ESYT2: variants seen among roughly 807,000 people sequenced by gnomAD.
ESYT2 encodes the protein extended synaptotagmin 2.
In ESYT2, 54 loss-of-function variants were observed where a neutral mutation model predicts 107.2. The ratio of observed to expected loss-of-function variants is 0.50; its 90% CI spans 0.40 to 0.63. ESYT2 has a LOEUF of 0.63. ESYT2 is among the 30% of genes least tolerant of loss of function. The probability of loss-of-function intolerance (pLI) is 0.00; values close to 1 mark genes in which losing one functional copy is unlikely to be tolerated. For missense variants in ESYT2, 1,020 were observed against 1,094.5 expected (o/e 0.93, Z 0.96); for synonymous variants, 491 against 434.1 (o/e 1.13, Z -1.63).
intron 14 of ESYT2, among the ~76,000 whole-genome samples, chr7:158,752,536 T>G (rs1837619660): frequency 6.6e-6 from 1 of 152,044 alleles, no homozygotes; most frequent in South Asian, 2.1e-4. Flanking sequence ...TTAGAGAGAG[T>G]TGCCTAAAGC....
At chr7:158,773,522 C>A in intron 6 of ESYT2, 126 bp from the exon 7 acceptor site, 1 of 837,426 alleles carries the variant, frequency 1.2e-6, no homozygotes, top group South Asian at 1.7e-5. Context: ...CACCCTTCAT[C>A]CTTCGTAATA....
chr7:158,741,831 G>A lies in ESYT2; in HGVS notation c.1860C>T (p.Pro620=), dbSNP rs1837219511. 6.2e-7 allele frequency: 1 copy of A among 1,614,040 alleles called. No individual in the cohort carries two copies. The highest frequency in any genetic ancestry group is 1.1e-5 in the South Asian group (1 of 91,074). ...DHQHSAQVKR[P]SVSKEGRKTS... ...TTTTCCTCCCCTCTTTGGACACAGA[G>A]GGACGTTTGACTTGAGCTGAGTGTT... Residue 620 remains proline, a synonymous_variant, in exon 18 of 23, where the codon CCC becomes CCT. Coordinates refer to ENST00000275418, the MANE Select transcript of ESYT2 (RefSeq NM_001367773.1).
At chr7:158,795,376 C>A (rs1839426783) in intron 3 of ESYT2, among the ~76,000 whole-genome samples, 2 of 152,250 alleles carry the variant, frequency 1.3e-5, no homozygotes. Context: ...TGATGGAACT[C>A]AAACATAATT....
At chr7:158,810,045 C>T (rs188238587) in intron 1 of ESYT2, among the ~76,000 whole-genome samples, 8 of 152,304 alleles carry the variant, frequency 5.3e-5, no homozygotes, top group East Asian at 3.9e-4. Context: ...TTGATGAAGA[C>T]GTGGGGAAAT....
chr7:158,809,675 AAGTTTAGCC>A (rs1839940603), intron 1 of ESYT2, among the ~76,000 whole-genome samples: 1 of 152,204 alleles, frequency 6.6e-6, no homozygotes, highest in South Asian at 2.1e-4. Context: ...AGACAGTGTT[AAGTTTAGCC>A]TAAAGCTGTC....
intron 7 of ESYT2, among the ~76,000 whole-genome samples, chr7:158,770,342 A>G (rs1283701825): frequency 6.6e-6 from 1 of 151,778 alleles, no homozygotes; most frequent in Non-Finnish European, 1.5e-5. Flanking sequence ...TTTATTATAT[A>G]AAATCTACAT....
intron 14 of ESYT2, among the ~76,000 whole-genome samples, chr7:158,751,314 G>T (rs1837576493): frequency 1.3e-5 from 2 of 151,994 alleles, no homozygotes; most frequent in African/African-American, 4.8e-5. Context: ...AAATCTTATT[G>T]GTTCATAAAA....
At chr7:158,807,254 G>GAAA (rs372309924) in intron 1 of ESYT2, among the ~76,000 whole-genome samples, 12,874 of 116,882 alleles carry the variant, frequency 0.11, 990 homozygotes, top group African/African-American at 0.12. Flanking sequence ...CCGTCTGAAG[G>GAAA]AAAAAAAAAA....
intron 1 of ESYT2, among the ~76,000 whole-genome samples, chr7:158,810,647 G>A (rs1193145967): frequency 2.6e-5 from 4 of 151,756 alleles, no homozygotes; most frequent in Admixed American, 6.6e-5. Flanking sequence ...GCGTCACTGC[G>A]CTCCAGCCTG....
intron 1 of ESYT2, among the ~76,000 whole-genome samples, chr7:158,820,021 T>C (rs753031720): frequency 1.3e-5 from 2 of 152,378 alleles, no homozygotes; most frequent in Non-Finnish European, 2.9e-5. Flanking sequence ...AATACACAAG[T>C]GCACGTGGGA....
intron 6 of ESYT2, among the ~76,000 whole-genome samples, chr7:158,782,792 G>A (rs1221698540): frequency 6.6e-6 from 1 of 152,220 alleles, no homozygotes; most frequent in Non-Finnish European, 1.5e-5. Context: ...GAACAAATGT[G>A]AGAATGAAAC....
intron 7 of ESYT2, among the ~76,000 whole-genome samples, chr7:158,771,335 T>C (rs1240669667): frequency 2.6e-5 from 4 of 152,264 alleles, no homozygotes; most frequent in Non-Finnish European, 5.9e-5. Context: ...TGGATGTTTG[T>C]TCCATTTGGC....
At position 158,731,675 on chromosome 7, in the gene ESYT2, C is replaced by T. The variant is rs1314402186; in HGVS notation, c.*2532G>A. On this transcript the variant is annotated 3_prime_UTR_variant, in exon 23 of 23. Coordinates refer to ENST00000275418, the MANE Select transcript of ESYT2 (RefSeq NM_001367773.1). ...TTAAGGCACAGGATCAGGATAAGAA[C>T]CCACATGTACGAGCTAACAGAGCTG... 6.6e-6 allele frequency: 1 copy of T among 152,626 alleles called. No homozygotes were observed. The highest frequency in any genetic ancestry group is 1.5e-5 in the Non-Finnish European group (1 of 68,040). 9.5% of individuals were successfully genotyped at this position (152,626 alleles called of 1,614,324 possible).
chr7:158,764,999 G>T, intron 8 of ESYT2, 146 bp from the exon 9 acceptor site: 1 of 756,510 alleles, frequency 1.3e-6, no homozygotes, highest in Non-Finnish European at 2.1e-6. Flanking sequence ...CATCCCAGCA[G>T]CGGGGAAATG....
chr7:158,732,876 C>T lies in ESYT2; in HGVS notation c.*1331G>A, dbSNP rs1367722017. The T allele has an allele frequency of 6.6e-6, 1 of 152,220 alleles. No homozygotes were observed. The highest frequency in any genetic ancestry group is 2.1e-4 in the South Asian group (1 of 4,826). 9.4% of individuals were successfully genotyped at this position (152,220 alleles called of 1,614,324 possible). ...ATATAGCTTATAATATACACTTAAT[C>T]GTCTACATATGTGCATTCTTTCTTT... On this transcript the variant is annotated 3_prime_UTR_variant, in exon 23 of 23. Coordinates refer to ENST00000275418, the MANE Select transcript of ESYT2 (RefSeq NM_001367773.1).
chr7:158,822,867 T>G lies in ESYT2; in HGVS notation c.330+6222A>C, dbSNP rs180822297. Among the ~76,000 whole-genome samples, 371 of 152,266 alleles carry G rather than the reference T, an allele frequency of 2.4e-3. 4 individuals are homozygous for G. Among genetic ancestry groups the G allele is most frequent in the Non-Finnish European group, 3.4e-3 (229 of 68,020 alleles). ...ACCTAACCCTTTCATTAACTCTCCT[T>G]TAAAATGTAAATACCCCCAAACTTA... On this transcript the variant is annotated intron_variant, in intron 1 of 22. Transcript: ENST00000275418.
At chr7:158,783,140 C>G (rs1838982170) in intron 6 of ESYT2, among the ~76,000 whole-genome samples, 1 of 152,198 alleles carries the variant, frequency 6.6e-6, no homozygotes, top group African/African-American at 2.4e-5. Flanking sequence ...CAGGAAGTCA[C>G]CTCTGAGCTG....
intron 13 of ESYT2, among the ~76,000 whole-genome samples, chr7:158,753,044 C>T (rs1302010458): frequency 6.6e-6 from 1 of 152,210 alleles, no homozygotes; most frequent in Non-Finnish European, 1.5e-5. Context: ...AACCTTTAAT[C>T]TATGCATATC....
chr7:158,788,301 C>A (rs1489233174), intron 5 of ESYT2, 44 bp downstream of exon 5: 4 of 1,546,988 alleles, frequency 2.6e-6, no homozygotes, highest in Non-Finnish European at 3.5e-6. Flanking sequence ...GCTTAGAGAA[C>A]TTTAGAAAAC....
Sources: gnomAD v4.1 joint callset for allele counts (sites outside exome capture counted in the v4.1 genomes callset) on GRCh38, gnomAD v4.1.1 for gene constraint, MANE v1.5 for transcripts, NCBI Gene and HGNC (gene_info 2026-07-23, HGNC 2026-07-21) for gene names.